Variants in RASEF observed in about 807,000 individuals in gnomAD.
RASEF encodes RAS and EF-hand domain containing.
A neutral mutation model predicts 90.1 loss-of-function variants in RASEF; 68 were observed. That is an observed-to-expected ratio of 0.75 (90% confidence interval 0.62 to 0.92). The LOEUF (loss-of-function observed/expected upper bound fraction) is 0.92, where lower values mean the gene tolerates loss of function less well. RASEF is among the 40% of genes least tolerant of loss of function. The pLI is 0.00. For synonymous variants in RASEF, 331 were observed against 345.2 expected, an observed-to-expected ratio of 0.96 and a Z score of 0.46; for missense variants, 949 against 937.2, an observed-to-expected ratio of 1.01 and a Z score of -0.16.
At chr9:83,023,782 T>C (rs1829485994) in intron 2 of RASEF, among the ~76,000 whole-genome samples, 1 of 152,192 alleles carries the variant, frequency 6.6e-6, no homozygotes, top group Non-Finnish European at 1.5e-5. Context: ...GCACATATCC[T>C]TTCTCCCTCT....
the RASEF span, among the ~76,000 whole-genome samples, chr9:83,123,558 C>T: frequency 1.4e-5 from 2 of 143,284 alleles, no homozygotes; most frequent in African/African-American, 5.3e-5. Context: ...ATCCTGCTTC[C>T]TCAGCCCATC....
At chr9:83,020,374 G>A (rs1053646756) in intron 3 of RASEF, among the ~76,000 whole-genome samples, 7 of 152,292 alleles carry the variant, frequency 4.6e-5, no homozygotes, top group South Asian at 4.1e-4. Flanking sequence ...CTGGGGAGCC[G>A]AGGGGAGCCA....
chr9:83,000,842 G>A, intron 10 of RASEF, 54 bp downstream of exon 10: 1 of 1,421,176 alleles, frequency 7.0e-7, no homozygotes, highest in South Asian at 1.2e-5. Context: ...CAAATAAGGT[G>A]ACAGATTTCA....
intron 1 of RASEF, chr9:83,048,472 G>C: frequency 4.1e-6 from 4 of 985,116 alleles, no homozygotes; most frequent in Non-Finnish European, 4.8e-6. Context: ...TTGGACTTTT[G>C]GCAGGAGACT....
chr9:83,097,221 A>G, the RASEF span, among the ~76,000 whole-genome samples: 1 of 152,212 alleles, frequency 6.6e-6, no homozygotes, highest in Non-Finnish European at 1.5e-5. Context: ...GTCTTCCACA[A>G]TGGTTGAACT....
At chr9:83,166,146 T>C in the RASEF span, among the ~76,000 whole-genome samples, 1 of 152,200 alleles carries the variant, frequency 6.6e-6, no homozygotes, top group African/African-American at 2.4e-5. Flanking sequence ...GGAAATTCTT[T>C]TTAATTCATT....
the RASEF span, among the ~76,000 whole-genome samples, chr9:83,206,081 A>ATAT: frequency 2.0e-5 from 3 of 152,242 alleles, no homozygotes; most frequent in Non-Finnish European, 4.4e-5. Context: ...CTTATAAAAA[A>ATAT]TATTATAAGC....
At chr9:83,204,343 A>G in the RASEF span, among the ~76,000 whole-genome samples, 6 of 152,246 alleles carry the variant, frequency 3.9e-5, no homozygotes, top group South Asian at 1.2e-3. Flanking sequence ...CCTGTGAAAC[A>G]TTCAAATGGG....
intron 13 of RASEF, among the ~76,000 whole-genome samples, chr9:82,998,148 A>C (rs113175334): frequency 5.3e-5 from 8 of 152,330 alleles, no homozygotes; most frequent in African/African-American, 1.9e-4. Context: ...AAGCTTAAAG[A>C]TCCTCTTCTC....
intron 3 of RASEF, among the ~76,000 whole-genome samples, chr9:83,018,796 A>C (rs1175630520): frequency 1.3e-5 from 2 of 152,170 alleles, no homozygotes; most frequent in Admixed American, 6.5e-5. Flanking sequence ...AGACAATGTA[A>C]TATTGGCATA....
At chr9:83,125,758 A>G in the RASEF span, among the ~76,000 whole-genome samples, 4 of 152,206 alleles carry the variant, frequency 2.6e-5, no homozygotes, top group Admixed American at 1.3e-4. Flanking sequence ...CTGCACACAC[A>G]GATAAGGTTT....
the RASEF span, among the ~76,000 whole-genome samples, chr9:83,121,180 G>GT: frequency 3.2e-4 from 49 of 152,012 alleles, 1 homozygote; most frequent in East Asian, 2.9e-3. Context: ...TTTATATTCT[G>GT]TTTTTTCTGA....
At chr9:83,216,991 A>T in the RASEF span, among the ~76,000 whole-genome samples, 1 of 152,226 alleles carries the variant, frequency 6.6e-6, no homozygotes, top group Non-Finnish European at 1.5e-5. Context: ...CTACAAAGCC[A>T]CACAGGCAGA....
intron 1 of RASEF, among the ~76,000 whole-genome samples, chr9:83,061,755 C>T (rs75060781): frequency 0.014 from 2,112 of 152,208 alleles, 40 homozygotes; most frequent in African/African-American, 0.048. Context: ...CATTTTATTC[C>T]GTCACATAAA....
intron 13 of RASEF, 57 bp from the exon 14 acceptor site, chr9:82,997,183 T>C (rs1432080352): frequency 1.9e-6 from 2 of 1,079,656 alleles, no homozygotes; most frequent in Admixed American, 1.7e-5. Flanking sequence ...TCTTCTTCTC[T>C]TTTATGCTCA....
intron 16 of RASEF, among the ~76,000 whole-genome samples, chr9:82,983,147 A>ACT (rs2118347648): frequency 6.9e-6 from 1 of 145,738 alleles, no homozygotes; most frequent in African/African-American, 2.6e-5. Flanking sequence ...ACACACACAC[A>ACT]CACACACACC....
intron 1 of RASEF, chr9:83,048,190 A>T: frequency 1.0e-6 from 1 of 985,406 alleles, no homozygotes; most frequent in Non-Finnish European, 1.2e-6. Context: ...GTAAGAGCGG[A>T]AGGAGCTTGG....
chr9:83,080,961 G>A, the RASEF span, among the ~76,000 whole-genome samples: 1 of 152,010 alleles, frequency 6.6e-6, no homozygotes, highest in Non-Finnish European at 1.5e-5. Flanking sequence ...AATAAATAAA[G>A]CATATTCTTT....
the RASEF span, among the ~76,000 whole-genome samples, chr9:83,180,131 T>C: frequency 5.3e-5 from 8 of 152,234 alleles, no homozygotes; most frequent in African/African-American, 1.4e-4. Context: ...ATATACCATA[T>C]GCAGTTGTAT....
Sources: gnomAD v4.1 joint callset for allele counts (sites outside exome capture counted in the v4.1 genomes callset) on GRCh38, gnomAD v4.1.1 for gene constraint, MANE v1.5 for transcripts, NCBI Gene and HGNC (gene_info 2026-07-23, HGNC 2026-07-21) for gene names.